Variants in SBK1 observed in about 807,000 individuals in gnomAD.
The protein encoded by SBK1 is serine/threonine-protein kinase SBK1.
Under a neutral mutation model 24.4 loss-of-function variants are expected in SBK1, and 11 were observed. The observed-to-expected ratio is 0.45, with a 90% CI of 0.28 to 0.75. The LOEUF (loss-of-function observed/expected upper bound fraction) is 0.75. Among genes scored for constraint, SBK1 ranks in the 30% least tolerant of loss-of-function variants. The pLI is 0.12. For synonymous variants in SBK1, 308 were observed against 284.4 expected (o/e 1.08, Z -0.83); for missense variants, 467 against 620.5 (o/e 0.75, Z 2.63).
chr16:28,321,208 CACACACACACACACACACA>C lies in SBK1; in HGVS notation c.*288_*306del. ...ACACACACACACACACACACACACACACACACACACACACACACACACACACACACGCCAGGAGCAAGGG... is the reference window on the plus strand; with the variant it reads ...ACACACACACACACACACACACACACCACACACACACGCCAGGAGCAAGGG... On this transcript the variant is annotated 3_prime_UTR_variant, in exon 4 of 4. Coordinates refer to ENST00000341901, the MANE Select transcript of SBK1 (RefSeq NM_001024401.3). The C allele has an allele frequency of 5.3e-6, 1 of 188,668 alleles. No individual in the cohort carries two copies. The highest frequency in any genetic ancestry group is 2.0e-3 in the Middle Eastern group (1 of 496). 11.7% of individuals were successfully genotyped at this position (188,668 alleles called of 1,614,324 possible).
At position 28,320,739 on chromosome 16, in the gene SBK1, C is replaced by A; in HGVS notation, c.1093C>A (p.Pro365Thr). Residue 365 changes from proline (P) to threonine (T), a missense_variant, in exon 4 of 4, where the codon CCC becomes ACC. Transcript: ENST00000341901. This position sits in a 1 kb window ranked among gnomAD's most constrained non-coding sequence, Gnocchi z 8.5. ...VLTESGSGSR[P>T]APPAVGSVPL... ...GACCGAGAGCGGCAGCGGCTCCCGG[C>A]CCGCGCCCCCCGCCGTCGGGTCGGT... The A allele has an allele frequency of 8.3e-7, 1 of 1,200,730 alleles. No individual in the cohort carries two copies. The highest frequency in any genetic ancestry group is 1.0e-6 in the Non-Finnish European group (1 of 961,008). The allele number at this position is 1,200,730 out of a possible 1,614,324, so 74.4% of individuals were successfully genotyped here. A position where few individuals can be genotyped will look rare whatever the true frequency, so the allele number is the denominator to read the frequency against.
In SBK1 at chr16:28,321,531, C is replaced by T. The variant is rs954370026; in HGVS notation, c.*610C>T. 1 of 153,012 alleles carries T rather than the reference C, an allele frequency of 6.5e-6. No homozygotes were observed. Among genetic ancestry groups the T allele is most frequent in the African/African-American group, 2.4e-5 (1 of 41,408 alleles). The allele number at this position is 153,012 out of a possible 1,614,324, so 9.5% of individuals were successfully genotyped here. On this transcript the variant is annotated 3_prime_UTR_variant, in exon 4 of 4. Transcript: ENST00000341901. Reference sequence around the variant, plus strand: ...CCTTCTGGAGGCTGGAGGGGAGAGGCCAAGCCCTTGGAAAATGTAGCAAAT... The same window carrying T: ...CCTTCTGGAGGCTGGAGGGGAGAGGTCAAGCCCTTGGAAAATGTAGCAAAT...
intron 1 of SBK1, among the ~76,000 whole-genome samples, chr16:28,306,684 A>AG (rs970822594): frequency 5.9e-5 from 9 of 152,216 alleles, no homozygotes; most frequent in African/African-American, 2.2e-4. Context: ...TAGGCCTTGA[A>AG]GGGGATTAAC....
In SBK1 at chr16:28,322,913, G is replaced by A. The variant is rs57895968; in HGVS notation, c.*1992G>A. Reference sequence around the variant, plus strand: ...CCTTGCCGTGCTCGCTCTCTCTCTCGCGCGCGCTCTCTCTCTCCCTCTCTC... The same window carrying A: ...CCTTGCCGTGCTCGCTCTCTCTCTCACGCGCGCTCTCTCTCTCCCTCTCTC... On this transcript the variant is annotated 3_prime_UTR_variant, in exon 4 of 4. Coordinates refer to ENST00000341901, the MANE Select transcript of SBK1 (RefSeq NM_001024401.3). 3 of 94,696 alleles carry A rather than the reference G, an allele frequency of 3.2e-5. No individual in the cohort carries two copies. The highest frequency in any genetic ancestry group is 3.2e-4 in the East Asian group (1 of 3,162). The allele number at this position is 94,696 out of a possible 1,614,324, so 5.9% of individuals were successfully genotyped here.
At chr16:28,281,488 T>G (rs1597014812) in intron 1 of SBK1, among the ~76,000 whole-genome samples, 1 of 149,218 alleles carries the variant, frequency 6.7e-6, no homozygotes, top group East Asian at 2.0e-4. Flanking sequence ...GGACGGGAGG[T>G]GGATGGAGAG....
intron 1 of SBK1, among the ~76,000 whole-genome samples, chr16:28,282,061 G>T (rs1222506819): frequency 6.6e-6 from 1 of 152,148 alleles, no homozygotes; most frequent in East Asian, 1.9e-4. Flanking sequence ...CCCTAGCCTT[G>T]TGAAAGTACC....
intron 1 of SBK1, among the ~76,000 whole-genome samples, chr16:28,260,642 A>G (rs1018710610): frequency 1.3e-5 from 2 of 152,154 alleles, no homozygotes; most frequent in African/African-American, 4.8e-5. Context: ...CCTCATCTGT[A>G]AAATGGGAGG....
In SBK1 at chr16:28,320,717, C is replaced by T; in HGVS notation, c.1071C>T (p.Thr357=). ...GGCCGCTCAAGCGGACGGTGCTGAC[C>T]GAGAGCGGCAGCGGCTCCCGGCCCG... The part of the protein sequence containing the change: ...APGPLKRTVL[T]ESGSGSRPAP... The change falls in exon 4 of 4, where the codon ACC becomes ACT. Residue 357 remains threonine (T), a synonymous_variant. Transcript: ENST00000341901. The surrounding 1 kb of genome is among the most constrained non-coding windows in gnomAD (Gnocchi z 8.5). 8 of 1,146,830 alleles carry T rather than the reference C, an allele frequency of 7.0e-6. No homozygotes were observed. The highest frequency in any genetic ancestry group is 8.6e-6 in the Non-Finnish European group (8 of 929,884). The allele number at this position is 1,146,830 out of a possible 1,614,324, so 71.0% of individuals were successfully genotyped here.
chr16:28,279,369 A>G (rs2044514751), intron 1 of SBK1, among the ~76,000 whole-genome samples: 1 of 145,674 alleles, frequency 6.9e-6, no homozygotes. Context: ...ACTGCACTCC[A>G]GCCTGGGACA....
intron 1 of SBK1, among the ~76,000 whole-genome samples, chr16:28,282,429 G>A (rs1333977506): frequency 2.0e-5 from 3 of 152,260 alleles, no homozygotes; most frequent in East Asian, 3.9e-4. Flanking sequence ...ATCTCAGGGC[G>A]GCCATGCCTT....
chr16:28,299,765 T>C (rs1182647113), intron 1 of SBK1, among the ~76,000 whole-genome samples: 1 of 152,212 alleles, frequency 6.6e-6, no homozygotes, highest in East Asian at 1.9e-4. Flanking sequence ...CAGGAAGGGT[T>C]TGTTCAGGTT....
chr16:28,295,208 C>G (rs1331912687), intron 1 of SBK1, among the ~76,000 whole-genome samples: 1 of 152,192 alleles, frequency 6.6e-6, no homozygotes, highest in Non-Finnish European at 1.5e-5. Flanking sequence ...ACCTCCCCTC[C>G]TCACTAACCT....
At chr16:28,293,886 A>AACCATACT (rs1232348802) in intron 1 of SBK1, among the ~76,000 whole-genome samples, 2 of 152,046 alleles carry the variant, frequency 1.3e-5, no homozygotes, top group Non-Finnish European at 2.9e-5. Flanking sequence ...TCTTTACCTA[A>AACCATACT]ACCATACTTT....
Position 28,317,035 on chromosome 16 carries a change from C to A in SBK1, c.-7-350C>A, listed in dbSNP as rs57729719. On this transcript the variant is annotated intron_variant, in intron 1 of 3. Transcript: ENST00000341901. The surrounding 1 kb of genome is among the most constrained non-coding windows in gnomAD (Gnocchi z 4.2). ...CTCTCTACAATCCAAATAAAACCAA[C>A]GCTTCTGAATGGGAGTACCCGTGTG... Among the ~76,000 whole-genome samples the A allele has an allele frequency of 0.048, 7,378 of 152,256 alleles. 378 individuals are homozygous for A. The highest frequency in any genetic ancestry group is 0.15 in the East Asian group (769 of 5,184).
At chr16:28,308,411 A>G (rs1160561863) in intron 1 of SBK1, among the ~76,000 whole-genome samples, 1 of 135,586 alleles carries the variant, frequency 7.4e-6, no homozygotes, top group African/African-American at 2.7e-5. Flanking sequence ...TCAGCCTCCC[A>G]AATTGCTGGG....
At chr16:28,288,939 G>A (rs1331656950), upstream of SBK1, among the ~76,000 whole-genome samples, 4 of 152,152 alleles carry the variant, frequency 2.6e-5, no homozygotes, top group Non-Finnish European at 1.5e-5. Flanking sequence ...AGTCGGGAGG[G>A]GGACTTAATT....
intron 1 of SBK1, among the ~76,000 whole-genome samples, chr16:28,316,995 CAT>C (rs1185475560): frequency 6.6e-6 from 1 of 152,256 alleles, no homozygotes; most frequent in Non-Finnish European, 1.5e-5. Flanking sequence ...GCCTGGGCCA[CAT>C]AGTGGGACCC....
At chr16:28,293,355 G>T (rs76597446) in intron 1 of SBK1, 55 bp downstream of exon 1, 35 of 857,936 alleles carry the variant, frequency 4.1e-5, no homozygotes, top group Non-Finnish European at 4.8e-5. Flanking sequence ...GGTCCCCATA[G>T]CCCTGCAGGT....
At chr16:28,310,862 G>A (rs971270674) in intron 1 of SBK1, among the ~76,000 whole-genome samples, 1 of 152,138 alleles carries the variant, frequency 6.6e-6, no homozygotes. Flanking sequence ...GGTGTGACTT[G>A]CTCAAGGTCA....
Sources: gnomAD v4.1 joint callset for allele counts (sites outside exome capture counted in the v4.1 genomes callset) on GRCh38, gnomAD v4.1.1 for gene constraint, Gnocchi (gnomAD v3.1) non-coding constraint, MANE v1.5 for transcripts, NCBI Gene and HGNC (gene_info 2026-07-23, HGNC 2026-07-21) for gene names.